The following CELSR2 variants were observed in gnomAD, a reference collection of about 807,000 sequenced individuals.
The protein encoded by CELSR2 is EGF-like protein 2.
In CELSR2, 81 loss-of-function variants were observed where a neutral mutation model predicts 251.6. That is an observed-to-expected ratio of 0.32 (90% confidence interval 0.27 to 0.39). The LOEUF (loss-of-function observed/expected upper bound fraction) is 0.39. Among genes scored for constraint, CELSR2 ranks in the 10% least tolerant of loss-of-function variants. The pLI is 1.00. For synonymous variants in CELSR2, 1,721 were observed against 1,670.5 expected, an observed-to-expected ratio of 1.03 and a Z score of -0.74; for missense variants, 3,365 against 3,947.7, an observed-to-expected ratio of 0.85 and a Z score of 3.96.
chr1:109,272,268 C>A lies in CELSR2; in HGVS notation c.7927-10C>A. 1 of 1,573,246 alleles carries A rather than the reference C, an allele frequency of 6.4e-7. No individual in the cohort carries two copies. The highest frequency in any genetic ancestry group is 1.2e-5 in the South Asian group (1 of 86,044). ...CTCCCCACTTACTGACCTCTCTGTTCCCTGCCTAGTCCTACAACTGCCCCA... is the reference window on the plus strand; with the variant it reads ...CTCCCCACTTACTGACCTCTCTGTTACCTGCCTAGTCCTACAACTGCCCCA... On this transcript the variant is annotated splice_polypyrimidine_tract_variant and intron_variant, in intron 28 of 33. Coordinates refer to ENST00000271332, the MANE Select transcript of CELSR2 (RefSeq NM_001408.3).
rs1185940112 is a variant in CELSR2, at chr1:109,271,001, A to T, written c.7558A>T (p.Ile2520Phe). 1 of 1,612,526 alleles carries T rather than the reference A, an allele frequency of 6.2e-7. No individual in the cohort carries two copies. The stretch of plus-strand genomic sequence containing the variant: ...CTGGCTCTCCATCTATGACACGCTC[A>T]TCTGGAGTTTTGCTGGCCCGGTGGC... ...FCWLSIYDTLIWSFAGPVAFA... is the reference protein window; with the variant it reads ...FCWLSIYDTLFWSFAGPVAFA... Residue 2520 changes from isoleucine to phenylalanine, a missense_variant, in exon 25 of 34, where the codon ATC becomes TTC. Transcript: ENST00000271332.
chr1:109,272,784 G>A, intron 30 of CELSR2, 49 bp from the exon 31 acceptor site: 1 of 1,613,036 alleles, frequency 6.2e-7, no homozygotes, highest in South Asian at 1.1e-5. Context: ...TTTTACTGAA[G>A]GTGGGTGGAG....
At chr1:109,265,375 T>C in intron 13 of CELSR2, 64 bp downstream of exon 13, 2 of 1,484,726 alleles carry the variant, frequency 1.3e-6, no homozygotes, top group Non-Finnish European at 1.8e-6. Context: ...TCCTGGGCCC[T>C]AGAGGGCAGG....
chr1:109,268,095 A>T (rs746719511), intron 17 of CELSR2, 35 bp downstream of exon 17: 2 of 1,567,236 alleles, frequency 1.3e-6, no homozygotes, highest in South Asian at 1.1e-5. Context: ...GGCTGGTTAG[A>T]TAGGGGTCAT....
At chr1:109,257,414 C>T (rs923950616) in intron 1 of CELSR2, among the ~76,000 whole-genome samples, 1 of 151,788 alleles carries the variant, frequency 6.6e-6, no homozygotes, top group African/African-American at 2.4e-5. Context: ...TTCTCCAGGC[C>T]CCAGCTTTCA....
At position 109,264,070 on chromosome 1, in the gene CELSR2, G is replaced by C. The variant is rs1557733046; in HGVS notation, c.5002-8G>C. ...TGCTGACCCTGTTTTCTTTCCTCCTGGTGTCAGCTACGAGAGGGCCACGTG... is the reference window on the plus strand; with the variant it reads ...TGCTGACCCTGTTTTCTTTCCTCCTCGTGTCAGCTACGAGAGGGCCACGTG... On this transcript the variant is annotated splice_polypyrimidine_tract_variant and splice_region_variant and intron_variant, in intron 9 of 33. Coordinates refer to ENST00000271332, the MANE Select transcript of CELSR2 (RefSeq NM_001408.3). 1 of 1,564,066 alleles carries C rather than the reference G, an allele frequency of 6.4e-7. No homozygotes were observed. The highest frequency in any genetic ancestry group is 8.7e-7 in the Non-Finnish European group (1 of 1,149,910).
At chr1:109,258,103 A>G (rs901651015) in intron 1 of CELSR2, among the ~76,000 whole-genome samples, 1 of 152,128 alleles carries the variant, frequency 6.6e-6, no homozygotes, top group Non-Finnish European at 1.5e-5. Context: ...GGCCCTGTAG[A>G]AAAGTATGAA....
rs201996023 is a variant in CELSR2 at position 109,273,361 on chromosome 1, G to A, written c.8509+25G>A. ...GGTGAGTGGGGCACCCCCAGCTGCC[G>A]AGCTCCCCTAGTCAGCAGCCTCATA... On this transcript the variant is annotated intron_variant, in intron 32 of 33. Transcript: ENST00000271332. 4.7e-5 allele frequency: 75 copies of A among 1,604,034 alleles called. No homozygotes were observed. The Admixed American group carries it at 5.8e-4, about 12-fold the overall frequency.
rs374373586 is a variant in CELSR2, at chr1:109,269,600, G to C, written c.6980+9G>C. 3.6e-5 allele frequency: 58 copies of C among 1,613,834 alleles called. No individual in the cohort carries two copies. The highest frequency in any genetic ancestry group is 4.8e-5 in the Non-Finnish European group (57 of 1,179,904). On this transcript the variant is annotated intron_variant, in intron 21 of 33. Transcript: ENST00000271332. The surrounding 1 kb of genome is among the most constrained non-coding windows in gnomAD (Gnocchi z 6.4). ...TGGAACCATTCAATCCTGTGAGCCT[G>C]CACTGCCCTCGCCCCCTCAGGCTTC...
In CELSR2 at chr1:109,253,034, C is replaced by T. The variant is rs780296677; in HGVS notation, c.2955C>T (p.Asp985=). 7 of 1,613,524 alleles carry T rather than the reference C, an allele frequency of 4.3e-6. No individual in the cohort carries two copies. The highest frequency in any genetic ancestry group is 5.9e-6 in the Non-Finnish European group (7 of 1,179,982). The change falls in exon 1 of 34, where the codon GAC becomes GAT. Residue 985 remains aspartate, a synonymous_variant. Coordinates refer to ENST00000271332, the MANE Select transcript of CELSR2 (RefSeq NM_001408.3). ...AGCTGACAGCCCTGGTAGACTTAGA[C>T]TACGAGGACCGGCCTGAGTACGTCC... ...SGELTALVDL[D]YEDRPEYVLV...
At chr1:109,270,670 C>A in intron 24 of CELSR2, 70 bp downstream of exon 24, 1 of 1,545,222 alleles carries the variant, frequency 6.5e-7, no homozygotes, top group Admixed American at 1.8e-5. Context: ...GTTCTCTCCA[C>A]CCACATACAG....
Position 109,270,098 on chromosome 1 carries a change from G to T in CELSR2, c.7273G>T (p.Val2425Phe). The T allele has an allele frequency of 6.2e-7, 1 of 1,613,906 alleles. No individual in the cohort carries two copies. The change falls in exon 23 of 34, where the codon GTC (valine) becomes TTC (phenylalanine). Residue 2425 changes from valine to phenylalanine, a missense_variant. This residue lies in a region of CELSR2 where 2,093 missense variants were observed against 2,382.8 expected (regional missense o/e 0.88). Transcript: ENST00000271332. The stretch of plus-strand genomic sequence containing the variant: ...AGCTGCCCTGGGCCTGGCTCAGCTG[G>T]TCTTCCTCCTGGGAATCAACCAGGC... ...LTAALGLAQL[V>F]FLLGINQADL...
rs374380189 is a variant in CELSR2, at chr1:109,250,096, C to T, written c.17C>T (p.Thr6Ile). 76 of 1,529,034 alleles carry T rather than the reference C, an allele frequency of 5.0e-5. No individual in the cohort carries two copies. In the East Asian group the frequency reaches 5.0e-4, roughly 10 times the overall value. The allele number at this position is 1,529,034 out of a possible 1,614,324, so 94.7% of individuals were successfully genotyped here. MRSPA[T>I]GVPLPTPPPP... is the part of the protein sequence containing the mutation. ...CTGGGAGAGATGCGGAGCCCGGCCA[C>T]CGGCGTCCCCCTCCCAACGCCGCCG... is the stretch of plus-strand genomic sequence containing the variant. The change falls in exon 1 of 34, where the codon ACC becomes ATC. Residue 6 changes from threonine (T) to isoleucine (I), a missense_variant. This residue lies in a region of CELSR2 where 704 missense variants were observed against 784.1 expected (regional missense o/e 0.90). Transcript: ENST00000271332. This position sits in a 1 kb window ranked among gnomAD's most constrained non-coding sequence, Gnocchi z 4.4.
intron 11 of CELSR2, 55 bp from the exon 12 acceptor site, chr1:109,264,813 A>C: frequency 6.2e-7 from 1 of 1,612,460 alleles, no homozygotes; most frequent in East Asian, 2.2e-5. Flanking sequence ...GTTTGATGGA[A>C]GATGGTGCCA....
intron 13 of CELSR2, 123 bp downstream of exon 13, chr1:109,265,434 C>G (rs1570787655): frequency 8.6e-7 from 1 of 1,168,872 alleles, no homozygotes; most frequent in Non-Finnish European, 1.2e-6. Flanking sequence ...TGCCTTTGCT[C>G]TCACAGGCAG....
At chr1:109,262,680 C>A in intron 6 of CELSR2, 126 bp from the exon 7 acceptor site, 1 of 1,474,580 alleles carries the variant, frequency 6.8e-7, no homozygotes, top group Non-Finnish European at 9.2e-7. Flanking sequence ...CCTTCCTGAG[C>A]ACTGCTCTGC....
chr1:109,259,775 C>T (rs1244294245), intron 2 of CELSR2, among the ~76,000 whole-genome samples: 2 of 152,178 alleles, frequency 1.3e-5, no homozygotes, highest in Non-Finnish European at 2.9e-5. Flanking sequence ...ATGGCTCCGC[C>T]TCCGCCCAGC....
intron 24 of CELSR2, 145 bp downstream of exon 24, chr1:109,270,745 C>A: frequency 8.6e-7 from 1 of 1,161,468 alleles, no homozygotes; most frequent in East Asian, 2.5e-5. Context: ...CTGGTTTAAC[C>A]CAGACTCTGC....
chr1:109,258,827 C>G lies in CELSR2; in HGVS notation c.3706C>G (p.Pro1236Ala). 1 of 1,612,294 alleles carries G rather than the reference C, an allele frequency of 6.2e-7. No individual in the cohort carries two copies. Among genetic ancestry groups the G allele is most frequent in the Non-Finnish European group, 8.5e-7 (1 of 1,179,316 alleles). ...CGACGACAACATCTGCCTGCGGGAG[C>G]CCTGCGAGAACTACATGCGCTGCGT... ...PFDDNICLRE[P>A]CENYMRCVSV... Residue 1236 changes from proline to alanine, a missense_variant, in exon 2 of 34, where the codon CCC (proline) becomes GCC (alanine). Transcript: ENST00000271332.
Sources: allele counts gnomAD v4.1 joint callset (sites outside exome capture counted in the v4.1 genomes callset), GRCh38; gene constraint gnomAD v4.1.1; regional missense constraint gnomAD v4.1.1; non-coding constraint Gnocchi (gnomAD v3.1); transcripts MANE v1.5; gene names NCBI Gene and HGNC (gene_info 2026-07-23, HGNC 2026-07-21).